Variants in SHC3 observed in about 807,000 individuals in gnomAD.
SHC3 encodes SHC adaptor protein 3, also known as SHC-transforming protein 3.
In SHC3, 15 loss-of-function variants were observed where a neutral mutation model predicts 60.4. That is an observed-to-expected ratio of 0.25 (90% CI 0.17 to 0.38). The LOEUF is 0.38. Ranked by LOEUF, SHC3 falls within the 10% of genes least tolerant of loss-of-function variation. SHC3 has a pLI of 1.00. For missense variants in SHC3, 677 were observed against 786.1 expected (o/e 0.86, Z 1.66); for synonymous variants, 294 against 325.9 (o/e 0.90, Z 1.05).
intron 2 of SHC3, among the ~76,000 whole-genome samples, chr9:89,094,775 G>T (rs1022358503): frequency 6.6e-6 from 1 of 152,052 alleles, no homozygotes; most frequent in Admixed American, 6.6e-5. Flanking sequence ...TTACAGTCAC[G>T]AGCAAACACC....
intron 11 of SHC3, among the ~76,000 whole-genome samples, chr9:89,033,024 CA>C (rs66608189): frequency 0.14 from 21,041 of 147,986 alleles, 1,795 homozygotes; most frequent in Non-Finnish European, 0.18. Flanking sequence ...AAAGCCCCCC[CA>C]CCGAAGAACA....
chr9:89,051,351 T>G (rs1824858548), intron 7 of SHC3, among the ~76,000 whole-genome samples: 1 of 152,250 alleles, frequency 6.6e-6, no homozygotes, highest in African/African-American at 2.4e-5. Context: ...GTATGGAATA[T>G]TCTTACATCC....
chr9:89,149,441 A>C lies in SHC3; in HGVS notation c.474+28546T>G, dbSNP rs528182371. ...TCCTTTTCACTTAATCTAGGGAAAT[A>C]ATCAAAAATGCATGAAGAAGAGGCA... On this transcript the variant is annotated intron_variant, in intron 1 of 11. Coordinates refer to ENST00000375835, the MANE Select transcript of SHC3 (RefSeq NM_016848.6). Among the ~76,000 whole-genome samples, 6 of 152,314 alleles carry C rather than the reference A, an allele frequency of 3.9e-5. No homozygotes were observed. The East Asian group carries it at 1.2e-3, about 29-fold the overall frequency.
intron 11 of SHC3, among the ~76,000 whole-genome samples, chr9:89,032,895 T>C (rs1423276210): frequency 6.6e-6 from 1 of 152,222 alleles, no homozygotes; most frequent in Non-Finnish European, 1.5e-5. Context: ...CCTATTTTGG[T>C]GTCCCCACAG....
intron 10 of SHC3, among the ~76,000 whole-genome samples, chr9:89,039,108 A>G (rs1324488930): frequency 6.6e-6 from 1 of 152,258 alleles, no homozygotes; most frequent in African/African-American, 2.4e-5. Context: ...GCACAGTGCT[A>G]TGCAAGTGGA....
chr9:89,145,106 A>T (rs1313477435), intron 1 of SHC3, among the ~76,000 whole-genome samples: 1 of 152,192 alleles, frequency 6.6e-6, no homozygotes, highest in African/African-American at 2.4e-5. Flanking sequence ...CCACATCCCC[A>T]GGAGTACAGA....
intron 2 of SHC3, among the ~76,000 whole-genome samples, 176 bp downstream of exon 2, chr9:89,112,380 T>C (rs1384861229): frequency 6.6e-6 from 1 of 152,140 alleles, no homozygotes; most frequent in East Asian, 1.9e-4. Context: ...GAGATATACA[T>C]CACAAACATG....
chr9:89,063,258 T>C (rs1825121783), intron 6 of SHC3, among the ~76,000 whole-genome samples: 1 of 152,170 alleles, frequency 6.6e-6, no homozygotes, highest in Admixed American at 6.5e-5. Context: ...GCCTCCCAAG[T>C]AGCTAGGACT....
chr9:89,104,549 G>T (rs952988511), intron 2 of SHC3, among the ~76,000 whole-genome samples: 2 of 152,182 alleles, frequency 1.3e-5, no homozygotes, highest in African/African-American at 2.4e-5. Context: ...CAGCTCTGTG[G>T]CCCCTCTGCA....
At chr9:89,167,999 C>G (rs1370662277) in intron 1 of SHC3, among the ~76,000 whole-genome samples, 1 of 152,234 alleles carries the variant, frequency 6.6e-6, no homozygotes, top group South Asian at 2.1e-4. Context: ...CCCCCACACC[C>G]TGAGCCAGCT....
intron 11 of SHC3, among the ~76,000 whole-genome samples, chr9:89,027,327 A>ATT (rs540788767): frequency 5.4e-5 from 7 of 130,384 alleles, no homozygotes; most frequent in Non-Finnish European, 8.0e-5. Flanking sequence ...TGAAATTCTG[A>ATT]TTTTTTTTTT....
At chr9:89,166,323 C>T (rs1826788906) in intron 1 of SHC3, among the ~76,000 whole-genome samples, 1 of 152,180 alleles carries the variant, frequency 6.6e-6, no homozygotes, top group East Asian at 1.9e-4. Flanking sequence ...CCACTCTATC[C>T]CCAATCCTAG....
At chr9:89,065,482 C>T (rs752940697) in intron 6 of SHC3, 47 bp downstream of exon 6, 4 of 1,599,134 alleles carry the variant, frequency 2.5e-6, no homozygotes, top group Non-Finnish European at 3.4e-6. Flanking sequence ...GAATGTGAAG[C>T]CTGGCTGTAC....
chr9:89,118,625 T>G (rs1280816281), intron 1 of SHC3, among the ~76,000 whole-genome samples: 2 of 144,950 alleles, frequency 1.4e-5, no homozygotes. Flanking sequence ...TTTCCAGGAG[T>G]AGGAAAAAAA....
intron 2 of SHC3, chr9:89,110,584 T>C (rs1239752084): frequency 1.8e-6 from 1 of 543,964 alleles, no homozygotes; most frequent in African/African-American, 2.1e-5. Flanking sequence ...AGTTGATTTG[T>C]CAAATTGTTT....
chr9:89,155,524 A>T (rs1413541967), intron 1 of SHC3, among the ~76,000 whole-genome samples: 1 of 152,028 alleles, frequency 6.6e-6, no homozygotes, highest in Non-Finnish European at 1.5e-5. Flanking sequence ...GCTCCATTCC[A>T]TATGGAATGT....
chr9:89,069,575 G>T (rs1825236574), intron 5 of SHC3, among the ~76,000 whole-genome samples: 1 of 152,204 alleles, frequency 6.6e-6, no homozygotes, highest in African/African-American at 2.4e-5. Flanking sequence ...TGACAATTAA[G>T]CAGAGATATA....
intron 2 of SHC3, chr9:89,109,510 A>T (rs1480999986): frequency 1.0e-6 from 1 of 985,402 alleles, no homozygotes; most frequent in Admixed American, 6.1e-5. Flanking sequence ...GAGCATTTAT[A>T]GAATGTTGGA....
chr9:89,078,366 G>C (rs993613647), intron 2 of SHC3, among the ~76,000 whole-genome samples: 2 of 152,174 alleles, frequency 1.3e-5, no homozygotes, highest in African/African-American at 4.8e-5. Flanking sequence ...AAGAAACATG[G>C]TCATCCCGAG....
Sources: gnomAD v4.1 joint callset for allele counts (sites outside exome capture counted in the v4.1 genomes callset) on GRCh38, gnomAD v4.1.1 for gene constraint, MANE v1.5 for transcripts, NCBI Gene and HGNC (gene_info 2026-07-23, HGNC 2026-07-21) for gene names.